LY75: variants seen among roughly 807,000 people sequenced by gnomAD.
The protein encoded by LY75 is lymphocyte antigen 75.
In LY75, 185 loss-of-function variants were observed where a neutral mutation model predicts 231.7. That is an observed-to-expected ratio of 0.80 (90% CI 0.71 to 0.90). The LOEUF (loss-of-function observed/expected upper bound fraction) is 0.90. LY75 is among the 40% of genes least tolerant of loss of function. The pLI is 0.00. For missense variants in LY75, 1,947 were observed against 2,050.2 expected (o/e 0.95, Z 0.97); for synonymous variants, 668 against 689.0 (o/e 0.97, Z 0.48).
At chr2:159,844,231 T>C (rs1369101081) in intron 23 of LY75, among the ~76,000 whole-genome samples, 1 of 150,340 alleles carries the variant, frequency 6.7e-6, no homozygotes, top group African/African-American at 2.5e-5. Context: ...AAAATATTAA[T>C]CCACTCTGAG....
Position 159,864,889 on chromosome 2 carries a change from T to G in LY75, c.2149A>C (p.Lys717Gln), listed in dbSNP as rs187723265. 6.9e-6 allele frequency: 11 copies of G among 1,605,686 alleles called. No individual in the cohort carries two copies. The Admixed American group carries it at 1.0e-4, about 15-fold the overall frequency. ...GQHWLWIGLN[K>Q]RSPDLQGSWQ... ...GATCCTTGTAAATCTGGGCTCCTTT[T>G]ATTCAAACCAATCCACAGCCAATGC... Residue 717 changes from lysine (K) to glutamine (Q), a missense_variant, in exon 14 of 35, where the codon AAA (lysine) becomes CAA (glutamine). Physicochemically the swap from Lys to Gln is moderately conservative, Grantham distance 53 (BLOSUM62 1). Transcript: ENST00000263636.
At chr2:159,816,735 C>T (rs1378043644) in intron 30 of LY75, 71 bp downstream of exon 30, 7 of 1,584,872 alleles carry the variant, frequency 4.4e-6, no homozygotes, top group Non-Finnish European at 6.0e-6. Flanking sequence ...TGTGTTAATA[C>T]TTTACGCTCA....
In LY75 at chr2:159,818,684, G is replaced by A. The variant is rs13393420; in HGVS notation, c.4153+1042C>T. Reference sequence around the variant, plus strand: ...GTTGTGACAAATGTACCATACTAAAGTAATATGCCAACAGTAGGGGAAATT... The same window carrying A: ...GTTGTGACAAATGTACCATACTAAAATAATATGCCAACAGTAGGGGAAATT... On this transcript the variant is annotated intron_variant, in intron 29 of 34. Transcript: ENST00000263636. 3.6e-4 allele frequency among the ~76,000 whole-genome samples: 55 copies of A among 152,294 alleles called. 1 individual carries two copies. Among genetic ancestry groups the A allele is most frequent in the South Asian group, 1.4e-3 (7 of 4,828 alleles).
chr2:159,848,475 G>T (rs777778336), intron 23 of LY75, among the ~76,000 whole-genome samples: 1 of 152,048 alleles, frequency 6.6e-6, no homozygotes, highest in Non-Finnish European at 1.5e-5. Flanking sequence ...CTCAGGTGAT[G>T]GGTGCACCAA....
At chr2:159,878,291 G>C in intron 11 of LY75, 33 bp downstream of exon 11, 1 of 1,607,008 alleles carries the variant, frequency 6.2e-7, no homozygotes, top group Non-Finnish European at 8.5e-7. Flanking sequence ...ACTAGTCACA[G>C]TATACTACTA....
At chr2:159,885,698 T>C (rs2125878727) in intron 5 of LY75, among the ~76,000 whole-genome samples, 1 of 152,320 alleles carries the variant, frequency 6.6e-6, no homozygotes, top group East Asian at 1.9e-4. Flanking sequence ...ACTGAAATAA[T>C]AAAAGTATTA....
chr2:159,850,782 A>ATC, intron 21 of LY75, among the ~76,000 whole-genome samples: 1 of 103,374 alleles, frequency 9.7e-6, no homozygotes, highest in South Asian at 2.4e-4. Context: ...TCATATATAT[A>ATC]TATATATATA....
chr2:159,873,164 G>A (rs1448746291), intron 12 of LY75, among the ~76,000 whole-genome samples: 1 of 140,278 alleles, frequency 7.1e-6, no homozygotes, highest in African/African-American at 2.5e-5. Context: ...AAAGAAGAAA[G>A]AAGAAAAAGA....
At chr2:159,876,033 T>G (rs1003072214) in intron 11 of LY75, among the ~76,000 whole-genome samples, 2 of 152,112 alleles carry the variant, frequency 1.3e-5, no homozygotes, top group Non-Finnish European at 2.9e-5. Flanking sequence ...CTTAAAAACT[T>G]TGAGCAGTTT....
Position 159,853,359 on chromosome 2 carries a change from G to T in LY75, c.2664-7C>A. 1 of 1,612,226 alleles carries T rather than the reference G, an allele frequency of 6.2e-7. No individual in the cohort carries two copies. Among genetic ancestry groups the T allele is most frequent in the Non-Finnish European group, 8.5e-7 (1 of 1,178,762 alleles). Reference sequence around the variant, plus strand: ...GTGCCATGGATATCGTGAGCTAAAAGAAAATGACAGATTTGACAACTCGTA... The same window carrying T: ...GTGCCATGGATATCGTGAGCTAAAATAAAATGACAGATTTGACAACTCGTA... On this transcript the variant is annotated splice_polypyrimidine_tract_variant and splice_region_variant and intron_variant, in intron 19 of 34. Coordinates refer to ENST00000263636, the MANE Select transcript of LY75 (RefSeq NM_002349.4).
intron 14 of LY75, among the ~76,000 whole-genome samples, chr2:159,862,448 A>C (rs1684737646): frequency 6.6e-6 from 1 of 151,968 alleles, no homozygotes; most frequent in South Asian, 2.1e-4. Flanking sequence ...GCAGAGTAAG[A>C]CCCCATTTCA....
chr2:159,873,363 A>G (rs1248161560), intron 12 of LY75, among the ~76,000 whole-genome samples: 1 of 152,118 alleles, frequency 6.6e-6, no homozygotes, highest in Non-Finnish European at 1.5e-5. Context: ...TTGATGGGAT[A>G]TTAGTGAAGG....
intron 2 of LY75, among the ~76,000 whole-genome samples, chr2:159,894,525 T>A (rs150174390): frequency 1.8e-4 from 27 of 152,348 alleles, no homozygotes; most frequent in African/African-American, 6.3e-4. Context: ...CCAGAAAAAT[T>A]CCTTGGAACC....
chr2:159,870,086 T>C (rs1302704925), intron 13 of LY75, among the ~76,000 whole-genome samples: 1 of 152,132 alleles, frequency 6.6e-6, no homozygotes, highest in East Asian at 1.9e-4. Flanking sequence ...GTATCATATT[T>C]TGCATTAGAT....
At chr2:159,827,383 GA>G (rs1283738632) in intron 28 of LY75, among the ~76,000 whole-genome samples, 1 of 152,184 alleles carries the variant, frequency 6.6e-6, no homozygotes, top group Non-Finnish European at 1.5e-5. Context: ...CGTCATTAGA[GA>G]AATGCAAATC....
At position 159,881,105 on chromosome 2, in the gene LY75, T is replaced by C. The variant is rs777224125; in HGVS notation, c.1382A>G (p.Asn461Ser). 11 of 1,613,682 alleles carry C rather than the reference T, an allele frequency of 6.8e-6. No homozygotes were observed. Among genetic ancestry groups the C allele is most frequent in the African/African-American group, 4.0e-5 (3 of 74,888 alleles). ...TACCTCTCCTAAGTAGGAAACACAG[T>C]TGGGCGTCTTATTGTAGGGAACATT... is the stretch of plus-strand genomic sequence containing the variant. ...EPNVPYNKTP[N>S]CVSYLGELGQ... is the part of the protein sequence containing the mutation. The change falls in exon 8 of 35, where the codon AAC (asparagine) becomes AGC (serine). Residue 461 changes from asparagine (N) to serine (S), a missense_variant. Asn to Ser is a conservative substitution (Grantham distance 46). Transcript: ENST00000263636.
chr2:159,871,141 A>C (rs1256843547), intron 13 of LY75, among the ~76,000 whole-genome samples: 1 of 152,138 alleles, frequency 6.6e-6, no homozygotes, highest in East Asian at 1.9e-4. Flanking sequence ...TATTCAAATA[A>C]GAATTTACAT....
intron 1 of LY75, among the ~76,000 whole-genome samples, chr2:159,899,275 G>A (rs910026364): frequency 6.6e-6 from 1 of 152,160 alleles, no homozygotes; most frequent in Non-Finnish European, 1.5e-5. Context: ...CAGTCCGCCT[G>A]GGTCCATATT....
intron 13 of LY75, chr2:159,871,869 T>C (rs1157780898): frequency 1.3e-5 from 2 of 152,570 alleles, no homozygotes; most frequent in Non-Finnish European, 2.9e-5. Context: ...ACCTTGTTTT[T>C]GTTTTTTGTT....
Sources: gnomAD v4.1 joint callset for allele counts (sites outside exome capture counted in the v4.1 genomes callset) on GRCh38, gnomAD v4.1.1 for gene constraint, MANE v1.5 for transcripts, NCBI Gene and HGNC (gene_info 2026-07-23, HGNC 2026-07-21) for gene names.